Variants in ZNF148 observed in about 807,000 individuals in gnomAD.
ZNF148 encodes zinc finger protein 148, also known as Beta-Enolase Repressor Factor-1.
ZNF148 carries 7 observed loss-of-function variants against 67.7 expected under a neutral mutation model. The observed-to-expected ratio is 0.10, with a 90% CI of 0.06 to 0.19. The LOEUF is 0.19. ZNF148 is among the 10% of genes least tolerant of loss of function. The pLI is 1.00. For synonymous variants in ZNF148, 333 were observed against 330.7 expected (o/e 1.01, Z -0.08); for missense variants, 583 against 947.1 (o/e 0.62, Z 5.05).
At chr3:125,351,146 AC>A (rs1477697498) in intron 1 of ZNF148, among the ~76,000 whole-genome samples, 1 of 152,080 alleles carries the variant, frequency 6.6e-6, no homozygotes. Flanking sequence ...GGTCGAGACT[AC>A]AGTGAGCTGT....
At chr3:125,293,975 C>T (rs569791927) in intron 4 of ZNF148, among the ~76,000 whole-genome samples, 21 of 152,178 alleles carry the variant, frequency 1.4e-4, no homozygotes, top group Non-Finnish European at 2.5e-4. Flanking sequence ...AGTGGGGAAA[C>T]CTGGCAGATA....
At chr3:125,353,567 T>C (rs1280205057) in intron 1 of ZNF148, among the ~76,000 whole-genome samples, 1 of 152,206 alleles carries the variant, frequency 6.6e-6, no homozygotes, top group East Asian at 1.9e-4. Flanking sequence ...CAGGACTATG[T>C]ACTAATTTTG....
chr3:125,248,511 T>C (rs73859156), intron 7 of ZNF148, among the ~76,000 whole-genome samples: 1 of 152,158 alleles, frequency 6.6e-6, no homozygotes, highest in East Asian at 1.9e-4. Context: ...TTTAAAAAAA[T>C]TAACTAGGGT....
chr3:125,245,411 G>T (rs933713041), intron 7 of ZNF148, among the ~76,000 whole-genome samples: 4 of 152,158 alleles, frequency 2.6e-5, no homozygotes, highest in African/African-American at 9.7e-5. Context: ...CTTCCACCAT[G>T]ATTGCAAGTT....
chr3:125,319,979 C>T (rs1394823272), intron 3 of ZNF148, among the ~76,000 whole-genome samples: 1 of 152,224 alleles, frequency 6.6e-6, no homozygotes, highest in Non-Finnish European at 1.5e-5. Flanking sequence ...CTGTCCTTAG[C>T]TGACTACTCC....
chr3:125,343,343 G>A (rs1941809148), intron 1 of ZNF148, among the ~76,000 whole-genome samples: 2 of 152,158 alleles, frequency 1.3e-5, no homozygotes, highest in Non-Finnish European at 2.9e-5. Flanking sequence ...AATGAGAGGT[G>A]AAGCCAGCTG....
At chr3:125,335,374 G>C (rs545129744) in intron 1 of ZNF148, among the ~76,000 whole-genome samples, 38 of 152,128 alleles carry the variant, frequency 2.5e-4, no homozygotes, top group Middle Eastern at 3.4e-3. Flanking sequence ...CAAAACAAAG[G>C]CATGTAGAAA....
intron 7 of ZNF148, among the ~76,000 whole-genome samples, chr3:125,273,355 T>C (rs1180087225): frequency 1.3e-5 from 2 of 152,194 alleles, no homozygotes; most frequent in Non-Finnish European, 2.9e-5. Flanking sequence ...TTTTCCAGTG[T>C]TTTTATATTT....
At chr3:125,256,534 GC>G (rs994150628) in intron 7 of ZNF148, among the ~76,000 whole-genome samples, 1 of 151,732 alleles carries the variant, frequency 6.6e-6, no homozygotes, top group Non-Finnish European at 1.5e-5. Context: ...AAATTAGCCA[GC>G]CATGATGGCA....
intron 5 of ZNF148, among the ~76,000 whole-genome samples, chr3:125,287,433 G>A (rs1482071249): frequency 6.6e-6 from 1 of 152,172 alleles, no homozygotes; most frequent in Non-Finnish European, 1.5e-5. Context: ...GAGACCAGGA[G>A]TTTGAGACTA....
intron 1 of ZNF148, among the ~76,000 whole-genome samples, chr3:125,340,384 T>C (rs1941663012): frequency 6.6e-6 from 1 of 152,116 alleles, no homozygotes; most frequent in East Asian, 1.9e-4. Flanking sequence ...GAGAGGCAAG[T>C]AGGCAAAATT....
At chr3:125,255,245 T>G (rs1020035524) in intron 7 of ZNF148, among the ~76,000 whole-genome samples, 1 of 134,466 alleles carries the variant, frequency 7.4e-6, no homozygotes, top group Non-Finnish European at 1.6e-5. Flanking sequence ...GCTTTTTTTT[T>G]TTTTTTTTTT....
chr3:125,353,651 C>T (rs189735610), intron 1 of ZNF148, among the ~76,000 whole-genome samples: 165 of 151,922 alleles, frequency 1.1e-3, no homozygotes, highest in African/African-American at 3.8e-3. Flanking sequence ...GACAGAGTTT[C>T]GCCATGTTTC....
At chr3:125,234,971 C>A (rs1394310381) in intron 7 of ZNF148, among the ~76,000 whole-genome samples, 1 of 152,134 alleles carries the variant, frequency 6.6e-6, no homozygotes, top group Admixed American at 6.5e-5. Flanking sequence ...CTCCTAGAAT[C>A]TTCTGATTCA....
At chr3:125,281,319 C>T (rs538620966) in intron 5 of ZNF148, among the ~76,000 whole-genome samples, 35 of 152,198 alleles carry the variant, frequency 2.3e-4, no homozygotes, top group African/African-American at 7.9e-4. Context: ...TAATAATAAG[C>T]AAGTTAACAC....
At chr3:125,247,934 C>T (rs764725450) in intron 7 of ZNF148, among the ~76,000 whole-genome samples, 3 of 152,126 alleles carry the variant, frequency 2.0e-5, no homozygotes, top group Non-Finnish European at 4.4e-5. Flanking sequence ...AACCATTGTC[C>T]TAATTCCAAA....
In ZNF148 at chr3:125,352,285, C is replaced by CA. The variant is rs113352024; in HGVS notation, c.-233-21048dup. The stretch of plus-strand genomic sequence containing the variant: ...ATTACACTAAGTAAAAGAAGCCAGA[C>CA]AAAAAAGATCATCTACTTTATGATT... On this transcript the variant is annotated intron_variant, in intron 1 of 8. Coordinates refer to ENST00000360647, the MANE Select transcript of ZNF148 (RefSeq NM_021964.3). Among the ~76,000 whole-genome samples, 552 of 152,088 alleles carry CA rather than the reference C, an allele frequency of 3.6e-3. 6 individuals are homozygous for CA. The highest frequency in any genetic ancestry group is 0.013 in the African/African-American group (519 of 41,488).
intron 1 of ZNF148, among the ~76,000 whole-genome samples, chr3:125,334,361 A>G (rs577811333): frequency 6.6e-6 from 1 of 152,234 alleles, no homozygotes; most frequent in Non-Finnish European, 1.5e-5. Flanking sequence ...TTTAGCAAGG[A>G]TGATAAGCAC....
At chr3:125,274,595 C>G (rs936065684) in intron 7 of ZNF148, among the ~76,000 whole-genome samples, 2 of 152,202 alleles carry the variant, frequency 1.3e-5, no homozygotes, top group Admixed American at 6.5e-5. Flanking sequence ...CCCAAATCAA[C>G]TATGTTCTTG....
Sources: allele counts gnomAD v4.1 joint callset (sites outside exome capture counted in the v4.1 genomes callset), GRCh38; gene constraint gnomAD v4.1.1; transcripts MANE v1.5; gene names NCBI Gene and HGNC (gene_info 2026-07-23, HGNC 2026-07-21).